Variants in ABCA5 observed in about 807,000 individuals in gnomAD.
ABCA5 encodes the protein ATP binding cassette subfamily A member 5.
In ABCA5, 163 loss-of-function variants were observed where a neutral mutation model predicts 206.0. The ratio of observed to expected loss-of-function variants is 0.79; its 90% confidence interval spans 0.70 to 0.90. The LOEUF (loss-of-function observed/expected upper bound fraction) is 0.90, where lower values mean the gene tolerates loss of function less well. ABCA5 is among the 40% of genes least tolerant of loss of function. The pLI is 0.00. For synonymous variants in ABCA5, 609 were observed against 613.8 expected (o/e 0.99, Z 0.11); for missense variants, 1,859 against 1,912.9 (o/e 0.97, Z 0.53).
chr17:69,323,224 T>C (rs1484162020), intron 1 of ABCA5, among the ~76,000 whole-genome samples: 1 of 152,228 alleles, frequency 6.6e-6, no homozygotes, highest in Non-Finnish European at 1.5e-5. Flanking sequence ...GACCGCTGAC[T>C]GTGATAAAAG....
At position 69,286,235 on chromosome 17, in the gene ABCA5, G is replaced by C. The variant is rs141520494; in HGVS notation, c.2118C>G (p.Ile706Met). Residue 706 changes from isoleucine (I) to methionine (M), a missense_variant, in exon 16 of 39, where the codon ATC (isoleucine) becomes ATG (methionine). By Grantham distance (10) the Ile-to-Met change is conservative (BLOSUM62 1). Coordinates refer to ENST00000392676, the MANE Select transcript of ABCA5 (RefSeq NM_172232.4). ...SSMFLKSKWG[I>M]GYRLSMYIDK... ...ATGAATGATACCTCAGGCGGTAGCCGATCCCCCATTTACTTTTGAGGAACA... is the reference window on the plus strand; with the variant it reads ...ATGAATGATACCTCAGGCGGTAGCCCATCCCCCATTTACTTTTGAGGAACA... 6.2e-7 allele frequency: 1 copy of C among 1,602,238 alleles called. No individual in the cohort carries two copies. The highest frequency in any genetic ancestry group is 1.8e-5 in the Admixed American group (1 of 56,322).
intron 20 of ABCA5, 140 bp downstream of exon 20, chr17:69,273,819 C>A: frequency 1.3e-6 from 1 of 748,344 alleles, no homozygotes; most frequent in Non-Finnish European, 2.0e-6. Context: ...CAATAAGATA[C>A]GTATTGAACT....
chr17:69,261,336 T>C, intron 25 of ABCA5, 77 bp from the exon 26 acceptor site: 1 of 1,327,924 alleles, frequency 7.5e-7, no homozygotes, highest in Non-Finnish European at 1.0e-6. Context: ...CGCATTAAAC[T>C]ATTTTTTCAA....
At chr17:69,267,850 A>G (rs2075227744) in intron 23 of ABCA5, 93 bp downstream of exon 23, 3 of 541,392 alleles carry the variant, frequency 5.5e-6, no homozygotes, top group Non-Finnish European at 9.8e-6. Flanking sequence ...TTTCTGAAAT[A>G]ACAATTATAC....
intron 20 of ABCA5, 55 bp downstream of exon 20, chr17:69,273,904 C>A (rs1408922667): frequency 6.6e-7 from 1 of 1,509,334 alleles, no homozygotes; most frequent in Admixed American, 2.2e-5. Context: ...TTTATCCACC[C>A]CTCAACCCCA....
At chr17:69,266,527 C>T (rs747160338) in intron 23 of ABCA5, among the ~76,000 whole-genome samples, 5 of 149,594 alleles carry the variant, frequency 3.3e-5, no homozygotes, top group Non-Finnish European at 5.9e-5. Context: ...TGTAACTAAC[C>T]TGCACAATGT....
At chr17:69,285,766 C>G in intron 17 of ABCA5, 132 bp downstream of exon 17, 3 of 969,352 alleles carry the variant, frequency 3.1e-6, no homozygotes, top group Non-Finnish European at 2.8e-6. Flanking sequence ...AAAGCAGAAA[C>G]AGAATATTAA....
chr17:69,245,448 G>A lies in ABCA5; in HGVS notation c.*2089C>T, dbSNP rs2074939643. On this transcript the variant is annotated 3_prime_UTR_variant, in exon 39 of 39. Coordinates refer to ENST00000392676, the MANE Select transcript of ABCA5 (RefSeq NM_172232.4). ...ATTAGTATGTTCATAAACATGAACT[G>A]TACACTGTAAATAAATATATTTCAC... 6.6e-6 allele frequency: 1 copy of A among 151,874 alleles called. No individual in the cohort carries two copies. The highest frequency in any genetic ancestry group is 6.6e-5 in the Admixed American group (1 of 15,256). 9.4% of individuals were successfully genotyped at this position (151,874 alleles called of 1,614,324 possible). A position where few individuals can be genotyped will look rare whatever the true frequency, so the allele number is the denominator to read the frequency against.
chr17:69,291,076 ACAAC>A (rs1156420875), intron 12 of ABCA5, 136 bp downstream of exon 12: 1 of 464,816 alleles, frequency 2.2e-6, no homozygotes, highest in Admixed American at 3.9e-5. Context: ...TCTACTAAAA[ACAAC>A]CACATGTGTA....
intron 18 of ABCA5, among the ~76,000 whole-genome samples, chr17:69,278,423 G>A (rs559729300): frequency 1.3e-5 from 2 of 152,244 alleles, no homozygotes; most frequent in South Asian, 4.1e-4. Context: ...GTCCTCTCCT[G>A]GCTTTACATT....
At chr17:69,265,580 T>C (rs1372662561) in intron 23 of ABCA5, among the ~76,000 whole-genome samples, 1 of 152,130 alleles carries the variant, frequency 6.6e-6, no homozygotes, top group Non-Finnish European at 1.5e-5. Context: ...TAGTTGATTT[T>C]TGTCATCTAT....
intron 1 of ABCA5, among the ~76,000 whole-genome samples, chr17:69,319,647 G>C (rs1039235517): frequency 1.3e-5 from 2 of 152,178 alleles, no homozygotes; most frequent in African/African-American, 2.4e-5. Flanking sequence ...CAACATTTAA[G>C]AAAGAAAGTT....
intron 11 of ABCA5, among the ~76,000 whole-genome samples, chr17:69,293,868 G>T (rs866889395): frequency 0.058 from 4,986 of 86,132 alleles, 140 homozygotes; most frequent in Admixed American, 0.094. Flanking sequence ...GTGTGTGTGT[G>T]TGTGCGTGTG....
chr17:69,264,074 T>C (rs1410099627), intron 24 of ABCA5, among the ~76,000 whole-genome samples: 44 of 152,168 alleles, frequency 2.9e-4, no homozygotes. Flanking sequence ...AATTCTGTGA[T>C]GAATAATGTT....
At chr17:69,298,229 T>TAGGTAGGAAGGA (rs1253604474) in intron 9 of ABCA5, among the ~76,000 whole-genome samples, 1 of 33,468 alleles carries the variant, frequency 3.0e-5, no homozygotes, top group Admixed American at 3.6e-4. Flanking sequence ...GGAAGGTAGG[T>TAGGTAGGAAGGA]AGGAAGGAAG....
chr17:69,253,501 T>C (rs1259000217), intron 34 of ABCA5, 72 bp downstream of exon 34: 2 of 993,024 alleles, frequency 2.0e-6, no homozygotes, highest in African/African-American at 1.6e-5. Context: ...ATAACTAACA[T>C]TAAACTATTA....
chr17:69,291,386 T>C (rs1181470115), intron 11 of ABCA5, 60 bp from the exon 12 acceptor site: 3 of 1,038,516 alleles, frequency 2.9e-6, no homozygotes, highest in Admixed American at 4.1e-5. Context: ...CTATGCATGA[T>C]AATTCATAAT....
chr17:69,266,865 A>T (rs1428815281), intron 23 of ABCA5, among the ~76,000 whole-genome samples: 2 of 150,082 alleles, frequency 1.3e-5, no homozygotes, highest in Non-Finnish European at 3.0e-5. Flanking sequence ...TATTTATTTT[A>T]TTTATTTATT....
chr17:69,317,243 AT>A (rs1343519619), intron 1 of ABCA5: 3 of 151,984 alleles, frequency 2.0e-5, no homozygotes, highest in South Asian at 2.1e-4. Flanking sequence ...CTAAAAAAAA[AT>A]ATACAAAAAT....
Sources: gnomAD v4.1 joint callset for allele counts (sites outside exome capture counted in the v4.1 genomes callset) on GRCh38, gnomAD v4.1.1 for gene constraint, MANE v1.5 for transcripts, NCBI Gene and HGNC (gene_info 2026-07-23, HGNC 2026-07-21) for gene names.